Variants in ADGRL3 observed in about 807,000 individuals in gnomAD.
ADGRL3 encodes the protein adhesion G protein-coupled receptor L3.
Under a neutral mutation model 153.5 loss-of-function variants are expected in ADGRL3, and 62 were observed. That is an observed-to-expected ratio of 0.40 (90% CI 0.33 to 0.50). The LOEUF is 0.50. Among genes scored for constraint, ADGRL3 ranks in the 20% least tolerant of loss-of-function variants. ADGRL3 has a pLI of 0.47. For missense variants in ADGRL3, 1,641 were observed against 1,859.4 expected (o/e 0.88, Z 2.16); for synonymous variants, 710 against 672.5 (o/e 1.06, Z -0.86).
chr4:61,951,388 G>A (rs904483726), intron 17 of ADGRL3, among the ~76,000 whole-genome samples: 2 of 152,114 alleles, frequency 1.3e-5, no homozygotes, highest in South Asian at 2.1e-4. Flanking sequence ...GGAGGCTCAG[G>A]GTTGGGGGCT....
intron 17 of ADGRL3, among the ~76,000 whole-genome samples, chr4:61,966,383 T>G (rs893517208): frequency 3.3e-5 from 5 of 152,306 alleles, no homozygotes; most frequent in Non-Finnish European, 5.9e-5. Flanking sequence ...CAAAATTTTC[T>G]TTCTCACTGT....
intron 4 of ADGRL3, among the ~76,000 whole-genome samples, chr4:61,524,181 C>T (rs910037896): frequency 1.4e-4 from 22 of 151,906 alleles, no homozygotes; most frequent in African/African-American, 5.1e-4. Flanking sequence ...TGAAGTGTAT[C>T]CCAGATACAA....
intron 19 of ADGRL3, among the ~76,000 whole-genome samples, chr4:61,986,098 T>C (rs1453228207): frequency 6.6e-6 from 1 of 151,948 alleles, no homozygotes; most frequent in Non-Finnish European, 1.5e-5. Flanking sequence ...TATGTACTCA[T>C]CACTATTGTC....
At chr4:61,352,074 G>A (rs1391282614) in intron 1 of ADGRL3, among the ~76,000 whole-genome samples, 1 of 152,126 alleles carries the variant, frequency 6.6e-6, no homozygotes, top group African/African-American at 2.4e-5. Flanking sequence ...TGGATTCATG[G>A]GGAAATATCA....
intron 5 of ADGRL3, among the ~76,000 whole-genome samples, chr4:61,630,358 C>A (rs943291711): frequency 6.6e-6 from 1 of 152,044 alleles, no homozygotes. Flanking sequence ...CTTTTTACTG[C>A]AAGTAATAGG....
intron 2 of ADGRL3, among the ~76,000 whole-genome samples, chr4:61,485,199 G>T (rs1156789474): frequency 6.6e-6 from 1 of 152,134 alleles, no homozygotes; most frequent in African/African-American, 2.4e-5. Context: ...TTCAAAACAT[G>T]TGTATTTTCT....
intron 17 of ADGRL3, among the ~76,000 whole-genome samples, chr4:61,956,887 T>C (rs916183596): frequency 2.0e-5 from 3 of 152,178 alleles, no homozygotes; most frequent in Admixed American, 1.3e-4. Flanking sequence ...TTCTGTTCCA[T>C]TGGTCTATAT....
chr4:62,004,393 C>A (rs371905758), intron 21 of ADGRL3, among the ~76,000 whole-genome samples: 1 of 151,816 alleles, frequency 6.6e-6, no homozygotes. Context: ...AAAATTTCAT[C>A]AATTGCAGAG....
intron 8 of ADGRL3, among the ~76,000 whole-genome samples, chr4:61,785,243 A>C (rs555551077): frequency 4.0e-4 from 61 of 152,302 alleles, no homozygotes; most frequent in African/African-American, 1.5e-3. Flanking sequence ...ATGATCAAGT[A>C]GCCAGAAATC....
At chr4:61,600,307 C>CTAAAAAA in intron 5 of ADGRL3, among the ~76,000 whole-genome samples, 1 of 61,778 alleles carries the variant, frequency 1.6e-5, no homozygotes, top group East Asian at 5.1e-4. Context: ...GGCTGCCTTG[C>CTAAAAAA]AAAAAAAAAA....
At chr4:61,786,416 A>G (rs1440647569) in intron 8 of ADGRL3, among the ~76,000 whole-genome samples, 1 of 152,180 alleles carries the variant, frequency 6.6e-6, no homozygotes, top group Non-Finnish European at 1.5e-5. Context: ...ACACCTTCCC[A>G]CTGGGGACAG....
At chr4:61,509,545 G>A (rs1280303756) in intron 3 of ADGRL3, among the ~76,000 whole-genome samples, 1 of 151,918 alleles carries the variant, frequency 6.6e-6, no homozygotes, top group Non-Finnish European at 1.5e-5. Flanking sequence ...GCCTCCACTG[G>A]CATCCATGTT....
intron 4 of ADGRL3, among the ~76,000 whole-genome samples, chr4:61,571,600 C>G (rs6856328): frequency 0.061 from 9,205 of 152,130 alleles, 886 homozygotes; most frequent in African/African-American, 0.21. Context: ...ATACCTGTGT[C>G]TACTTAAGGC....
At chr4:61,746,799 T>C (rs1469726160) in intron 8 of ADGRL3, among the ~76,000 whole-genome samples, 6 of 151,838 alleles carry the variant, frequency 4.0e-5, no homozygotes, top group African/African-American at 1.5e-4. Context: ...TTAAAAGAAC[T>C]AGAAAAGCAA....
intron 2 of ADGRL3, among the ~76,000 whole-genome samples, chr4:61,422,817 T>C (rs556101499): frequency 6.6e-6 from 1 of 151,400 alleles, no homozygotes; most frequent in Admixed American, 6.6e-5. Flanking sequence ...ATAAAAAATA[T>C]AAATAATATA....
At chr4:61,391,844 GA>G in intron 2 of ADGRL3, among the ~76,000 whole-genome samples, 1 of 142,434 alleles carries the variant, frequency 7.0e-6, no homozygotes, top group Admixed American at 7.1e-5. Flanking sequence ...TTATCCAAGT[GA>G]AAAATGCTAC....
intron 4 of ADGRL3, among the ~76,000 whole-genome samples, chr4:61,557,055 A>C (rs899764798): frequency 2.0e-5 from 3 of 152,204 alleles, no homozygotes; most frequent in African/African-American, 7.2e-5. Flanking sequence ...CAGCAAGATA[A>C]AGCCAGTAGT....
chr4:61,909,968 A>C (rs533974073), intron 12 of ADGRL3, among the ~76,000 whole-genome samples: 89 of 152,228 alleles, frequency 5.8e-4, no homozygotes, highest in Non-Finnish European at 7.5e-4. Context: ...TAATCTCTCT[A>C]TATATATTTT....
intron 3 of ADGRL3, among the ~76,000 whole-genome samples, chr4:61,514,495 T>G (rs2098480995): frequency 1.3e-5 from 2 of 152,238 alleles, no homozygotes; most frequent in Admixed American, 1.3e-4. Context: ...TACAATATCT[T>G]GAGTATAGTA....
Sources: allele counts gnomAD v4.1 joint callset (sites outside exome capture counted in the v4.1 genomes callset), GRCh38; gene constraint gnomAD v4.1.1; transcripts MANE v1.5; gene names NCBI Gene and HGNC (gene_info 2026-07-23, HGNC 2026-07-21).